Variants in DLG2 observed in about 807,000 individuals in gnomAD.
DLG2 encodes discs large MAGUK scaffold protein 2.
DLG2 carries 45 observed loss-of-function variants against 132.5 expected under a neutral mutation model. The ratio of observed to expected loss-of-function variants is 0.34; its 90% CI spans 0.27 to 0.44. DLG2 has a LOEUF of 0.44. Among genes scored for constraint, DLG2 ranks in the 20% least tolerant of loss-of-function variants. The pLI is 1.00. For missense variants in DLG2, 1,045 were observed against 1,196.9 expected (o/e 0.87, Z 1.87); for synonymous variants, 424 against 419.6 (o/e 1.01, Z -0.13).
chr11:84,029,857 G>C (rs1359921198), intron 11 of DLG2, among the ~76,000 whole-genome samples: 1 of 152,056 alleles, frequency 6.6e-6, no homozygotes, highest in Non-Finnish European at 1.5e-5. Flanking sequence ...CATACTTAAG[G>C]AAATATTATA....
intron 22 of DLG2, among the ~76,000 whole-genome samples, chr11:83,481,824 G>T (rs1378273894): frequency 6.6e-6 from 1 of 151,180 alleles, no homozygotes; most frequent in African/African-American, 2.5e-5. Flanking sequence ...GCTTTTTGTT[G>T]TTGTTGCGAA....
intron 11 of DLG2, among the ~76,000 whole-genome samples, chr11:83,997,730 CAAAAAAAAAAAAAAAAAAAAAAAA>C (rs71066079): frequency 1.6e-4 from 4 of 24,796 alleles, no homozygotes; most frequent in South Asian, 7.4e-3. Flanking sequence ...GACTCCATCT[CAAAAAAAAAAAAAAAAAAAAAAAA>C]AAAAAAAAAA....
chr11:84,375,465 T>C (rs796356144), intron 7 of DLG2, among the ~76,000 whole-genome samples: 13 of 152,292 alleles, frequency 8.5e-5, no homozygotes, highest in African/African-American at 3.1e-4. Context: ...TAATACAGAC[T>C]TTACATTTAG....
Position 84,079,422 on chromosome 11 carries a change from T to C in DLG2, c.749+19501A>G, listed in dbSNP as rs554172573. Reference sequence around the variant, plus strand: ...CTTCAGCCTCCCAAGTAGCTGGGATTATAGGCACCTGCTGCCATGCCCAGC... The same window carrying C: ...CTTCAGCCTCCCAAGTAGCTGGGATCATAGGCACCTGCTGCCATGCCCAGC... On this transcript the variant is annotated intron_variant, in intron 10 of 27. Transcript: ENST00000376104. 3.3e-5 allele frequency among the ~76,000 whole-genome samples: 5 copies of C among 152,228 alleles called. No homozygotes were observed. The East Asian group carries it at 7.7e-4, about 24-fold the overall frequency.
intron 5 of DLG2, among the ~76,000 whole-genome samples, chr11:85,126,150 T>C (rs2075084854): frequency 6.6e-6 from 1 of 152,164 alleles, no homozygotes; most frequent in Non-Finnish European, 1.5e-5. Flanking sequence ...GCAAGGCCAA[T>C]GTGTCCTTTA....
chr11:85,512,495 A>T (rs752779417), intron 3 of DLG2, among the ~76,000 whole-genome samples: 1 of 152,078 alleles, frequency 6.6e-6, no homozygotes, highest in Non-Finnish European at 1.5e-5. Flanking sequence ...ACCTTTCTCT[A>T]TAAATAATAT....
At chr11:84,586,889 G>T (rs1025936948) in intron 6 of DLG2, among the ~76,000 whole-genome samples, 1 of 152,150 alleles carries the variant, frequency 6.6e-6, no homozygotes, top group Non-Finnish European at 1.5e-5. Flanking sequence ...ACAAAGACTT[G>T]AAATCTGATT....
intron 4 of DLG2, among the ~76,000 whole-genome samples, chr11:85,211,333 T>C (rs981782511): frequency 2.0e-5 from 3 of 152,176 alleles, no homozygotes; most frequent in Non-Finnish European, 4.4e-5. Context: ...AAGGATTTAT[T>C]AAAAGTATTC....
At chr11:84,356,876 A>G (rs2098615925) in intron 7 of DLG2, among the ~76,000 whole-genome samples, 1 of 152,040 alleles carries the variant, frequency 6.6e-6, no homozygotes, top group Non-Finnish European at 1.5e-5. Context: ...AAGTGCAAGA[A>G]TGAGTCATGT....
chr11:83,742,210 A>AACACACACACACACACAC (rs67195725), intron 18 of DLG2, among the ~76,000 whole-genome samples: 25 of 147,108 alleles, frequency 1.7e-4, no homozygotes, highest in African/African-American at 5.8e-4. Context: ...CCACACTTTT[A>AACACACACACACACACAC]ACACACACAC....
chr11:84,433,497 A>G (rs1304105812), intron 7 of DLG2, among the ~76,000 whole-genome samples: 1 of 152,222 alleles, frequency 6.6e-6, no homozygotes, highest in Admixed American at 6.5e-5. Flanking sequence ...AGGAATAATT[A>G]TTTGAATGGA....
intron 19 of DLG2, among the ~76,000 whole-genome samples, chr11:83,625,335 G>A (rs2062332565): frequency 6.6e-6 from 1 of 152,190 alleles, no homozygotes; most frequent in African/African-American, 2.4e-5. Flanking sequence ...TTGTACCACT[G>A]GAGTGAAGAA....
At chr11:84,219,258 A>G (rs888684139) in intron 8 of DLG2, among the ~76,000 whole-genome samples, 14 of 152,218 alleles carry the variant, frequency 9.2e-5, no homozygotes, top group Admixed American at 9.2e-4. Flanking sequence ...TTTTTACAAC[A>G]TTAAGCAGTG....
chr11:85,046,486 C>G (rs1311498718), intron 6 of DLG2, among the ~76,000 whole-genome samples: 1 of 151,748 alleles, frequency 6.6e-6, no homozygotes, highest in Non-Finnish European at 1.5e-5. Flanking sequence ...ACCCTGATTA[C>G]TGAATTTTAT....
intron 18 of DLG2, among the ~76,000 whole-genome samples, chr11:83,722,310 G>C (rs988871595): frequency 2.0e-5 from 3 of 152,088 alleles, no homozygotes; most frequent in African/African-American, 7.2e-5. Flanking sequence ...AGCATAAGAA[G>C]ACATGGTCCC....
intron 15 of DLG2, among the ~76,000 whole-genome samples, chr11:83,890,305 C>T (rs371331990): frequency 2.7e-4 from 41 of 151,824 alleles, no homozygotes; most frequent in East Asian, 2.5e-3. Flanking sequence ...TTTTATTCTT[C>T]GACAACATTG....
At chr11:84,917,495 G>C (rs1046139180) in intron 6 of DLG2, among the ~76,000 whole-genome samples, 24 of 152,096 alleles carry the variant, frequency 1.6e-4, no homozygotes, top group African/African-American at 5.8e-4. Flanking sequence ...CTTAATATTT[G>C]TAATATTAGG....
At chr11:83,867,455 T>C (rs950837111) in intron 16 of DLG2, among the ~76,000 whole-genome samples, 1 of 152,188 alleles carries the variant, frequency 6.6e-6, no homozygotes, top group Non-Finnish European at 1.5e-5. Flanking sequence ...GTGTTTTCAA[T>C]ACCTGCTTTA....
At chr11:84,933,325 G>A (rs1170321192) in intron 6 of DLG2, among the ~76,000 whole-genome samples, 9 of 151,964 alleles carry the variant, frequency 5.9e-5, no homozygotes, top group Non-Finnish European at 8.8e-5. Context: ...TGCTCTTTTC[G>A]CTTAGGATTT....
Sources: allele counts gnomAD v4.1 joint callset (sites outside exome capture counted in the v4.1 genomes callset), GRCh38; gene constraint gnomAD v4.1.1; transcripts MANE v1.5; gene names NCBI Gene and HGNC (gene_info 2026-07-23, HGNC 2026-07-21).